The following EVL variants were observed in gnomAD, a reference collection of about 807,000 sequenced individuals.
EVL encodes the protein ena/VASP-like protein.
EVL carries 21 observed loss-of-function variants against 59.6 expected under a neutral mutation model. That is an observed-to-expected ratio of 0.35 (90% CI 0.25 to 0.51). The LOEUF (loss-of-function observed/expected upper bound fraction) is 0.51, where lower values mean the gene tolerates loss of function less well. Ranked by LOEUF, EVL falls within the 20% of genes least tolerant of loss-of-function variation. EVL has a pLI of 0.97. For missense variants in EVL, 462 were observed against 546.6 expected (o/e 0.85, Z 1.54); for synonymous variants, 198 against 203.5 (o/e 0.97, Z 0.23).
rs1236675777 is a variant in EVL, at chr14:100,114,257, G to T, written c.359-9282G>T. Among the ~76,000 whole-genome samples, 1 of 152,032 alleles carries T rather than the reference G, an allele frequency of 6.6e-6. No homozygotes were observed. The highest frequency in any genetic ancestry group is 1.9e-4 in the East Asian group (1 of 5,176). On this transcript the variant is annotated intron_variant, in intron 3 of 13. Transcript: ENST00000392920. The surrounding 1 kb of genome is among the most constrained non-coding windows in gnomAD (Gnocchi z 5.0). Reference sequence around the variant, plus strand: ...AAGTTTGGGGTGGTGCCAAATTTAGGCATGCCTCACAGGCATTCTCTGCAC... The same window carrying T: ...AAGTTTGGGGTGGTGCCAAATTTAGTCATGCCTCACAGGCATTCTCTGCAC...
chr14:100,070,134 G>T (rs1336936743), intron 1 of EVL, among the ~76,000 whole-genome samples: 1 of 152,020 alleles, frequency 6.6e-6, no homozygotes, highest in Non-Finnish European at 1.5e-5. Context: ...GATAGTGCAT[G>T]CCTGAAGCCT....
At chr14:100,030,644 A>G (rs952950278) in intron 1 of EVL, among the ~76,000 whole-genome samples, 1 of 152,210 alleles carries the variant, frequency 6.6e-6, no homozygotes, top group East Asian at 1.9e-4. Flanking sequence ...TGTTTATGAC[A>G]CAGTGAACGA....
chr14:99,978,415 G>A (rs1406217895), intron 1 of EVL, among the ~76,000 whole-genome samples: 3 of 150,378 alleles, frequency 2.0e-5, no homozygotes, highest in African/African-American at 7.4e-5. Flanking sequence ...AAAAAAAAAA[G>A]GCATGGATGT....
At chr14:100,097,780 G>A in intron 3 of EVL, 122 bp downstream of exon 3, 1 of 869,632 alleles carries the variant, frequency 1.1e-6, no homozygotes. Flanking sequence ...GGTTGCATGT[G>A]TTCTCAGAGA....
intron 3 of EVL, among the ~76,000 whole-genome samples, chr14:100,101,520 A>G (rs1485728814): frequency 1.3e-5 from 2 of 151,594 alleles, no homozygotes; most frequent in Admixed American, 1.3e-4. Flanking sequence ...ACGCATGCCT[A>G]TAATTCCAGC....
At chr14:100,005,927 C>G (rs947058446) in intron 1 of EVL, among the ~76,000 whole-genome samples, 7 of 149,878 alleles carry the variant, frequency 4.7e-5, no homozygotes, top group Non-Finnish European at 1.0e-4. Context: ...GCATGGCTAG[C>G]AAAAAGGTGG....
chr14:100,139,193 T>A lies in EVL; in HGVS notation c.1094+1391T>A, dbSNP rs1490104431. 3 of 152,306 alleles carry A rather than the reference T, an allele frequency of 2.0e-5. No individual in the cohort carries two copies. The East Asian group carries it at 5.8e-4, about 29-fold the overall frequency. The allele number at this position is 152,306 out of a possible 1,614,324, so 9.4% of individuals were successfully genotyped here. ...AGCGCTCCCAGCGGACTCCGCCACG[T>A]CCTGCTGGTGGAGCAAAGGCGGGCT... On this transcript the variant is annotated intron_variant, in intron 11 of 13. Transcript: ENST00000392920.
intron 2 of EVL, among the ~76,000 whole-genome samples, chr14:100,089,092 T>G (rs138423744): frequency 3.9e-5 from 6 of 152,280 alleles, no homozygotes; most frequent in Non-Finnish European, 7.4e-5. Context: ...GAAAAAGAAG[T>G]CATAGCATCC....
intron 2 of EVL, chr14:100,085,087 G>T (rs533365110): frequency 4.6e-6 from 2 of 433,840 alleles, no homozygotes; most frequent in Non-Finnish European, 8.2e-6. Context: ...ACAGTAATCC[G>T]CACCCTGCCT....
chr14:100,033,445 C>T (rs2061343444), intron 1 of EVL, among the ~76,000 whole-genome samples: 1 of 152,192 alleles, frequency 6.6e-6, no homozygotes, highest in South Asian at 2.1e-4. Context: ...TAAATCACCT[C>T]CTCAAAGTCA....
chr14:100,000,340 CTTTTTTTTTTTT>C (rs60864913), intron 1 of EVL, among the ~76,000 whole-genome samples: 7 of 99,848 alleles, frequency 7.0e-5, no homozygotes, highest in Admixed American at 3.6e-4. Context: ...CTGTTGCATT[CTTTTTTTTTTTT>C]TTTTTTTTTT....
At chr14:100,102,459 GTTGTTA>G in intron 3 of EVL, 1 of 437,872 alleles carries the variant, frequency 2.3e-6, no homozygotes. Context: ...CATTTTAGGA[GTTGTTA>G]TTGTTATTCG....
intron 1 of EVL, among the ~76,000 whole-genome samples, chr14:100,009,776 A>C (rs2061004856): frequency 6.6e-6 from 1 of 152,238 alleles, no homozygotes; most frequent in African/African-American, 2.4e-5. Context: ...TATATATTTT[A>C]GGAAGGCATG....
At chr14:100,062,769 C>T (rs1373692436), upstream of EVL, among the ~76,000 whole-genome samples, 1 of 152,072 alleles carries the variant, frequency 6.6e-6, no homozygotes, top group African/African-American at 2.4e-5. Flanking sequence ...ATGCCATCAC[C>T]CCGCCGTAAT....
intron 1 of EVL, among the ~76,000 whole-genome samples, chr14:99,993,047 G>C (rs936187001): frequency 6.0e-5 from 9 of 150,680 alleles, no homozygotes; most frequent in African/African-American, 2.2e-4. Context: ...ATTGGTGGTG[G>C]CGTATAATCC....
intron 1 of EVL, among the ~76,000 whole-genome samples, chr14:100,017,902 A>T (rs1555412699): frequency 6.6e-6 from 1 of 152,072 alleles, no homozygotes; most frequent in Non-Finnish European, 1.5e-5. Context: ...CAAGACCTGG[A>T]CTCTCTTGCT....
chr14:100,043,179 TATTAATCAGG>T (rs1356850900), intron 1 of EVL, among the ~76,000 whole-genome samples: 1 of 152,112 alleles, frequency 6.6e-6, no homozygotes, highest in African/African-American at 2.4e-5. Flanking sequence ...AACCCCTCTG[TATTAATCAGG>T]ATTCTCCAGG....
chr14:100,119,728 G>GGT (rs1887576886), intron 3 of EVL, among the ~76,000 whole-genome samples: 1 of 152,196 alleles, frequency 6.6e-6, no homozygotes, highest in Non-Finnish European at 1.5e-5. Context: ...ACCGCAGCTT[G>GGT]GTGAGGTACC....
intron 1 of EVL, among the ~76,000 whole-genome samples, chr14:99,976,410 T>C (rs1384860280): frequency 3.0e-4 from 46 of 152,178 alleles, no homozygotes; most frequent in Non-Finnish European, 1.5e-5. Flanking sequence ...CAGTCTTGTC[T>C]TTTACCTCCT....
Sources: gnomAD v4.1 joint callset for allele counts (sites outside exome capture counted in the v4.1 genomes callset) on GRCh38, gnomAD v4.1.1 for gene constraint, Gnocchi (gnomAD v3.1) non-coding constraint, MANE v1.5 for transcripts, NCBI Gene and HGNC (gene_info 2026-07-23, HGNC 2026-07-21) for gene names.